The following TADA2A variants were observed in gnomAD, a reference collection of about 807,000 sequenced individuals.
TADA2A encodes the protein transcriptional adaptor 2A.
Under a neutral mutation model 67.4 loss-of-function variants are expected in TADA2A, and 38 were observed. That is an observed-to-expected ratio of 0.56 (90% CI 0.44 to 0.74). The LOEUF is 0.74. Among genes scored for constraint, TADA2A ranks in the 30% least tolerant of loss-of-function variants. The pLI is 0.00. For synonymous variants in TADA2A, 192 were observed against 181.6 expected (o/e 1.06, Z -0.46); for missense variants, 454 against 547.0 (o/e 0.83, Z 1.70).
intron 4 of TADA2A, among the ~76,000 whole-genome samples, chr17:37,432,506 G>T (rs997394084): frequency 6.6e-6 from 1 of 152,180 alleles, no homozygotes; most frequent in South Asian, 2.1e-4. Context: ...TGTTGTGTAT[G>T]TTACTGGTAC....
intron 9 of TADA2A, among the ~76,000 whole-genome samples, chr17:37,459,521 G>A (rs1219576858): frequency 6.6e-6 from 1 of 151,102 alleles, no homozygotes; most frequent in Non-Finnish European, 1.5e-5. Flanking sequence ...CACCTTAAGT[G>A]ATCCATCCCC....
intron 8 of TADA2A, among the ~76,000 whole-genome samples, chr17:37,446,137 C>T (rs1438115210): frequency 2.1e-5 from 3 of 144,024 alleles, no homozygotes; most frequent in African/African-American, 2.6e-5. Context: ...TTTTATTCCT[C>T]CTTTTCTCCC....
intron 4 of TADA2A, among the ~76,000 whole-genome samples, chr17:37,434,882 C>A (rs2052675461): frequency 6.6e-6 from 1 of 152,150 alleles, no homozygotes; most frequent in Admixed American, 6.5e-5. Context: ...CAAAATATTC[C>A]ATTTTTAGTT....
chr17:37,410,122 T>G (rs2051815374), intron 1 of TADA2A, among the ~76,000 whole-genome samples: 1 of 151,426 alleles, frequency 6.6e-6, no homozygotes, highest in Non-Finnish European at 1.5e-5. Flanking sequence ...AGAATGAGAA[T>G]CCCTTGAACC....
intron 7 of TADA2A, among the ~76,000 whole-genome samples, chr17:37,442,873 C>T (rs1218444928): frequency 6.6e-6 from 1 of 152,112 alleles, no homozygotes; most frequent in Non-Finnish European, 1.5e-5. Flanking sequence ...AAACAAACAA[C>T]CTATTTCTGG....
chr17:37,441,875 C>T (rs1158229697), intron 6 of TADA2A, among the ~76,000 whole-genome samples: 1 of 151,934 alleles, frequency 6.6e-6, no homozygotes, highest in Non-Finnish European at 1.5e-5. Context: ...GCTGTGTTGG[C>T]GAGGCTGGTC....
chr17:37,421,369 CCTGTCTCAAGAAGACT>C (rs11268821), intron 2 of TADA2A, among the ~76,000 whole-genome samples: 7,176 of 145,672 alleles, frequency 0.049, 912 homozygotes, highest in African/African-American at 0.16. Flanking sequence ...AGTCTAAGAC[CCTGTCTCAAGAAGACT>C]CTGTCTCAAG....
intron 2 of TADA2A, among the ~76,000 whole-genome samples, chr17:37,412,148 T>C (rs1262129645): frequency 6.6e-6 from 1 of 151,062 alleles, no homozygotes; most frequent in Non-Finnish European, 1.5e-5. Context: ...GAGGCGGAGC[T>C]TGCAGTGAGC....
chr17:37,432,173 TA>T lies in TADA2A; in HGVS notation c.192+5165del, dbSNP rs201651832. On this transcript the variant is annotated intron_variant, in intron 4 of 15. Transcript: ENST00000615182. Reference sequence around the variant, plus strand: ...CACTCAGCTTTTTTATTTATTTATTTATTTTTTTTTTGTGACAGTCTTGCTC... The same window carrying T: ...CACTCAGCTTTTTTATTTATTTATTTTTTTTTTTTTGTGACAGTCTTGCTC... 6.6e-3 allele frequency among the ~76,000 whole-genome samples: 934 copies of T among 141,018 alleles called. 5 individuals carry two copies. The highest frequency in any genetic ancestry group is 0.02 in the African/African-American group (773 of 38,960). The allele number at this position is 141,018 out of a possible 152,430, so 92.5% of individuals were successfully genotyped here.
At chr17:37,414,774 C>T (rs1448562750) in intron 2 of TADA2A, among the ~76,000 whole-genome samples, 1 of 152,126 alleles carries the variant, frequency 6.6e-6, no homozygotes, top group Non-Finnish European at 1.5e-5. Flanking sequence ...ATTCCACTAT[C>T]CCCTGCCCTC....
intron 12 of TADA2A, among the ~76,000 whole-genome samples, 199 bp downstream of exon 12, chr17:37,467,724 T>C (rs1471067255): frequency 1.3e-5 from 2 of 152,136 alleles, no homozygotes; most frequent in African/African-American, 4.8e-5. Flanking sequence ...ACTACAAAAG[T>C]TGTGAGACAA....
At position 37,458,576 on chromosome 17, in the gene TADA2A, A is replaced by G; in HGVS notation, c.657A>G (p.Gln219=). 6.2e-7 allele frequency: 1 copy of G among 1,612,844 alleles called. No homozygotes were observed. The highest frequency in any genetic ancestry group is 8.5e-7 in the Non-Finnish European group (1 of 1,179,414). Residue 219 remains glutamine, a synonymous_variant, in exon 9 of 16, where the codon CAA becomes CAG. Transcript: ENST00000615182. ...DIYHSRLKER[Q]RRKKIIRDHG... is the part of the protein sequence containing the mutation. ...ATCATTCCAGGTTAAAGGAGAGACA[A>G]AGACGAAAAAAGTAAGTATAAAAAA...
chr17:37,411,672 C>T (rs375811673), intron 2 of TADA2A, among the ~76,000 whole-genome samples: 15 of 151,750 alleles, frequency 9.9e-5, no homozygotes, highest in African/African-American at 3.6e-4. Flanking sequence ...TCAGGTGATC[C>T]ACCCACCTCG....
In TADA2A at chr17:37,445,197, G is replaced by T. The variant is rs560804743; in HGVS notation, c.604+429G>T. 2.0e-5 allele frequency among the ~76,000 whole-genome samples: 3 copies of T among 152,170 alleles called. No individual in the cohort carries two copies. The South Asian group carries it at 6.2e-4, about 32-fold the overall frequency. On this transcript the variant is annotated intron_variant, in intron 8 of 15. Coordinates refer to ENST00000615182, the MANE Select transcript of TADA2A (RefSeq NM_001166105.3). Reference sequence around the variant, plus strand: ...AGGAAAAAGAATGGAAATTCCTCAAGAGTTTTTAGGCCCAAATGGGGAATT... The same window carrying T: ...AGGAAAAAGAATGGAAATTCCTCAATAGTTTTTAGGCCCAAATGGGGAATT...
intron 8 of TADA2A, among the ~76,000 whole-genome samples, chr17:37,445,326 C>T (rs568440785): frequency 1.6e-3 from 241 of 152,296 alleles, no homozygotes; most frequent in African/African-American, 5.6e-3. Context: ...AGTGCAGTGG[C>T]GCGATCTTGG....
intron 5 of TADA2A, among the ~76,000 whole-genome samples, chr17:37,440,253 CTTT>C (rs570041800): frequency 1.7e-3 from 255 of 152,102 alleles, no homozygotes; most frequent in African/African-American, 5.8e-3. Context: ...AGTCATCTTT[CTTT>C]AAGTGGAAAA....
At position 37,479,537 on chromosome 17, in the gene TADA2A, AAACC is replaced by A. The variant is rs2053948960; in HGVS notation, c.*2559_*2562del. The A allele has an allele frequency of 6.6e-6, 1 of 152,216 alleles. No individual in the cohort carries two copies. Among genetic ancestry groups the A allele is most frequent in the South Asian group, 2.1e-4 (1 of 4,826 alleles). The allele number at this position is 152,216 out of a possible 1,614,324, so 9.4% of individuals were successfully genotyped here. The stretch of plus-strand genomic sequence containing the variant: ...TTTGCTTCTAGACAGGGTTGGCCAT[AAACC>A]AACTACACTGATAGAGGTCTCTCCA... On this transcript the variant is annotated 3_prime_UTR_variant, in exon 16 of 16. Coordinates refer to ENST00000615182, the MANE Select transcript of TADA2A (RefSeq NM_001166105.3).
chr17:37,466,590 G>A (rs1020322955), intron 11 of TADA2A, among the ~76,000 whole-genome samples: 1 of 152,068 alleles, frequency 6.6e-6, no homozygotes, highest in Non-Finnish European at 1.5e-5. Flanking sequence ...TTCTTACATA[G>A]CATTGCAGAC....
At chr17:37,474,383 C>A (rs1221548233) in intron 14 of TADA2A, among the ~76,000 whole-genome samples, 173 bp from the exon 15 acceptor site, 1 of 152,108 alleles carries the variant, frequency 6.6e-6, no homozygotes, top group African/African-American at 2.4e-5. Context: ...AGTGAATGTT[C>A]GGGTGCCCAT....
Sources: gnomAD v4.1 joint callset for allele counts (sites outside exome capture counted in the v4.1 genomes callset) on GRCh38, gnomAD v4.1.1 for gene constraint, MANE v1.5 for transcripts, NCBI Gene and HGNC (gene_info 2026-07-23, HGNC 2026-07-21) for gene names.